The following KSR2 variants were observed in gnomAD, a reference collection of about 807,000 sequenced individuals.
KSR2 encodes kinase suppressor of ras 2.
In KSR2, 25 loss-of-function variants were observed where a neutral mutation model predicts 107.8. The observed-to-expected ratio is 0.23, with a 90% CI of 0.17 to 0.32. KSR2 has a LOEUF of 0.32. Ranked by LOEUF, KSR2 falls within the 10% of genes least tolerant of loss-of-function variation. The pLI is 1.00. For synonymous variants in KSR2, 480 were observed against 507.0 expected, an observed-to-expected ratio of 0.95 and a Z score of 0.71; for missense variants, 887 against 1,268.9, an observed-to-expected ratio of 0.70 and a Z score of 4.57.
chr12:117,640,807 G>C (rs1011445173), intron 5 of KSR2, among the ~76,000 whole-genome samples: 17 of 152,122 alleles, frequency 1.1e-4, no homozygotes, highest in Non-Finnish European at 2.2e-4. Flanking sequence ...TCACTGGGGG[G>C]CCATCTGTGA....
At chr12:117,484,331 G>C (rs928874950) in intron 16 of KSR2, 85 bp downstream of exon 16, 7 of 1,496,396 alleles carry the variant, frequency 4.7e-6, no homozygotes, top group Non-Finnish European at 4.6e-6. Context: ...CCTGAGTCTA[G>C]GTCACTAAAG....
chr12:117,830,520 AAAATT>A (rs1395857638), intron 3 of KSR2, among the ~76,000 whole-genome samples: 1 of 152,172 alleles, frequency 6.6e-6, no homozygotes, highest in Admixed American at 6.5e-5. Context: ...GAAATTATTA[AAAATT>A]AAATTAAATT....
chr12:117,722,110 G>A (rs923569819), intron 4 of KSR2, among the ~76,000 whole-genome samples: 1 of 152,076 alleles, frequency 6.6e-6, no homozygotes, highest in Non-Finnish European at 1.5e-5. Flanking sequence ...CTGGGTTCAA[G>A]TGATCCTCCC....
chr12:117,959,801 C>A (rs1189721634), intron 1 of KSR2, among the ~76,000 whole-genome samples: 1 of 151,980 alleles, frequency 6.6e-6, no homozygotes, highest in Non-Finnish European at 1.5e-5. Flanking sequence ...GATGGTGATG[C>A]ACATCTGCAG....
chr12:117,532,285 G>T lies in KSR2; in HGVS notation c.1688-578C>A, dbSNP rs533827525. On this transcript the variant is annotated intron_variant, in intron 10 of 19. Transcript: ENST00000339824. ...GCTTAGTTCCTTCTGAAGGCTCCAGGAAAATCTATTCCTTGTCTTTTCCGT... is the reference window on the plus strand; with the variant it reads ...GCTTAGTTCCTTCTGAAGGCTCCAGTAAAATCTATTCCTTGTCTTTTCCGT... Among the ~76,000 whole-genome samples, 6 of 152,278 alleles carry T rather than the reference G, an allele frequency of 3.9e-5. No individual in the cohort carries two copies. In the South Asian group the frequency reaches 1.2e-3, roughly 32 times the overall value.
chr12:117,833,560 G>C (rs1892066848), intron 3 of KSR2, among the ~76,000 whole-genome samples: 1 of 152,052 alleles, frequency 6.6e-6, no homozygotes. Flanking sequence ...AAGTGGTCTT[G>C]CTATGTTGCC....
chr12:117,917,356 C>T (rs1018970378), intron 1 of KSR2, among the ~76,000 whole-genome samples: 1 of 152,048 alleles, frequency 6.6e-6, no homozygotes, highest in African/African-American at 2.4e-5. Flanking sequence ...GCCTGGGCAA[C>T]ATAGCGAGAC....
At chr12:117,702,261 G>A (rs915140793) in intron 4 of KSR2, among the ~76,000 whole-genome samples, 6 of 152,238 alleles carry the variant, frequency 3.9e-5, no homozygotes, top group African/African-American at 1.4e-4. Context: ...CAAGCACCTC[G>A]CGTTGGTAGC....
intron 5 of KSR2, among the ~76,000 whole-genome samples, chr12:117,595,351 C>CTTTTTTTTTTTTTTTTTTTTTTT (rs71099060): frequency 2.1e-5 from 2 of 94,584 alleles, no homozygotes; most frequent in Non-Finnish European, 3.8e-5. Context: ...AGATCAAATT[C>CTTTTTTTTTTTTTTTTTTTTTTT]TTTTTTTTTT....
chr12:117,845,686 T>C (rs565888878), intron 3 of KSR2, among the ~76,000 whole-genome samples: 4 of 150,026 alleles, frequency 2.7e-5, no homozygotes, highest in African/African-American at 7.4e-5. Context: ...TTCTTTCTTT[T>C]TTTTTTTTTC....
chr12:117,923,649 T>C lies in KSR2; in HGVS notation c.180+44427A>G, dbSNP rs147610670. On this transcript the variant is annotated intron_variant, in intron 1 of 19. Transcript: ENST00000339824. ...TACTGCACTCCACAGACTTTTGAGA[T>C]ACTGTCTTAAAATATATATGTGTGT... Among the ~76,000 whole-genome samples, 151 of 151,896 alleles carry C rather than the reference T, an allele frequency of 9.9e-4. 1 individual carries two copies. Among genetic ancestry groups the C allele is most frequent in the African/African-American group, 3.2e-3 (134 of 41,440 alleles).
chr12:117,749,451 G>C (rs1357869276), intron 4 of KSR2, among the ~76,000 whole-genome samples: 1 of 149,332 alleles, frequency 6.7e-6, no homozygotes, highest in Admixed American at 6.8e-5. Context: ...GCAGGCACTA[G>C]GTAAGTCAAA....
intron 5 of KSR2, among the ~76,000 whole-genome samples, chr12:117,626,641 A>C (rs80058054): frequency 6.6e-6 from 1 of 152,164 alleles, no homozygotes; most frequent in South Asian, 2.1e-4. Context: ...GATCAATTTT[A>C]GAATAAGTGC....
At position 117,897,393 on chromosome 12, in the gene KSR2, C is replaced by T. The variant is rs926289402; in HGVS notation, c.181-36962G>A. ...GGCTTCTTTTAAGAAAAAAAGAAAG[C>T]GCTCCAGCCTACCCAGCACTCTCCA... is the stretch of plus-strand genomic sequence containing the variant. On this transcript the variant is annotated intron_variant, in intron 1 of 19. Transcript: ENST00000339824. The surrounding 1 kb of genome is among the most constrained non-coding windows in gnomAD (Gnocchi z 4.5). Among the ~76,000 whole-genome samples the T allele has an allele frequency of 6.6e-6, 1 of 152,114 alleles. No individual in the cohort carries two copies. Among genetic ancestry groups the T allele is most frequent in the African/African-American group, 2.4e-5 (1 of 41,420 alleles).
intron 1 of KSR2, among the ~76,000 whole-genome samples, chr12:117,901,949 T>C (rs1339519224): frequency 1.3e-5 from 2 of 152,126 alleles, no homozygotes; most frequent in Non-Finnish European, 2.9e-5. Flanking sequence ...GGGCAAATAT[T>C]TTTTCTTTGG....
At chr12:117,674,399 T>G (rs1565955188) in intron 4 of KSR2, 1 of 457,526 alleles carries the variant, frequency 2.2e-6, no homozygotes, top group Admixed American at 2.3e-5. Context: ...CATTTTAAAT[T>G]GAATAACTCT....
chr12:117,535,649 T>TGTGTGTGTGTGTG (rs1565888922), intron 10 of KSR2, among the ~76,000 whole-genome samples: 1 of 142,766 alleles, frequency 7.0e-6, no homozygotes, highest in African/African-American at 2.6e-5. Context: ...TGTGTGTGTG[T>TGTGTGTGTGTGTG]TTCAAGATGG....
chr12:117,828,288 T>C (rs564212377), intron 3 of KSR2, among the ~76,000 whole-genome samples: 10 of 152,316 alleles, frequency 6.6e-5, no homozygotes, highest in East Asian at 5.8e-4. Flanking sequence ...TGTTTCAACC[T>C]ATGATTAGCA....
chr12:117,498,724 G>A (rs1185415892), intron 14 of KSR2, among the ~76,000 whole-genome samples: 1 of 152,124 alleles, frequency 6.6e-6, no homozygotes, highest in African/African-American at 2.4e-5. Context: ...GGCCTTTCCT[G>A]TGCCATTCTC....
Sources: allele counts gnomAD v4.1 joint callset (sites outside exome capture counted in the v4.1 genomes callset), GRCh38; gene constraint gnomAD v4.1.1; non-coding constraint Gnocchi (gnomAD v3.1); transcripts MANE v1.5; gene names NCBI Gene and HGNC (gene_info 2026-07-23, HGNC 2026-07-21).